Variants in DLGAP1 observed in about 807,000 individuals in gnomAD.
DLGAP1 encodes the protein DLG associated protein 1, also known as disks large-associated protein 1.
A neutral mutation model predicts 90.8 loss-of-function variants in DLGAP1; 11 were observed. That is an observed-to-expected ratio of 0.12 (90% CI 0.08 to 0.20). DLGAP1 has a LOEUF of 0.20. DLGAP1 is among the 10% of genes least tolerant of loss of function. DLGAP1 has a pLI of 1.00. For missense variants in DLGAP1, 1,050 were observed against 1,333.8 expected (o/e 0.79, Z 3.31); for synonymous variants, 558 against 540.7 (o/e 1.03, Z -0.44).
At chr18:3,619,658 T>C (rs1373165980) in intron 7 of DLGAP1, among the ~76,000 whole-genome samples, 1 of 151,820 alleles carries the variant, frequency 6.6e-6, no homozygotes, top group East Asian at 1.9e-4. Flanking sequence ...TGCTTTATTA[T>C]CAGGTAAGTC....
chr18:4,046,903 G>T (rs900641681), intron 2 of DLGAP1, among the ~76,000 whole-genome samples: 8 of 152,184 alleles, frequency 5.3e-5, no homozygotes, highest in African/African-American at 1.9e-4. Flanking sequence ...CAGGATAAAA[G>T]GTGCAAATCT....
At chr18:4,181,414 A>AT (rs746600030) in intron 1 of DLGAP1, among the ~76,000 whole-genome samples, 4 of 152,158 alleles carry the variant, frequency 2.6e-5, no homozygotes, top group African/African-American at 7.2e-5. Flanking sequence ...CTACAGGGAC[A>AT]TTTTTTAATT....
intron 11 of DLGAP1, among the ~76,000 whole-genome samples, chr18:3,508,278 C>G (rs1432757717): frequency 6.6e-6 from 1 of 151,934 alleles, no homozygotes; most frequent in Non-Finnish European, 1.5e-5. Context: ...ACAATAAAAT[C>G]AGAAAAGCTA....
intron 2 of DLGAP1, among the ~76,000 whole-genome samples, chr18:4,142,586 C>T (rs2076513080): frequency 6.6e-6 from 1 of 152,086 alleles, no homozygotes; most frequent in Admixed American, 6.6e-5. Context: ...AAGTTTCTAG[C>T]TTCTAAATTA....
At chr18:3,718,680 C>A (rs1258843379) in intron 7 of DLGAP1, among the ~76,000 whole-genome samples, 1 of 151,966 alleles carries the variant, frequency 6.6e-6, no homozygotes, top group Non-Finnish European at 1.5e-5. Flanking sequence ...AATCCCAGCA[C>A]TTTGGGGGGT....
At chr18:4,213,117 T>C (rs1161904803) in intron 1 of DLGAP1, among the ~76,000 whole-genome samples, 1 of 152,184 alleles carries the variant, frequency 6.6e-6, no homozygotes, top group Non-Finnish European at 1.5e-5. Context: ...ACTTTGAAGG[T>C]ATAAAGATTA....
At position 3,930,189 on chromosome 18, in the gene DLGAP1, C is replaced by G. The variant is rs76594931; in HGVS notation, c.-72-50049G>C. ...TGTGCTGTGTGGGCCATAGGAAGTT[C>G]TTTTGTGAACTGTCTGCTGTGAACA... On this transcript the variant is annotated intron_variant, in intron 3 of 12. Transcript: ENST00000315677. Among the ~76,000 whole-genome samples the G allele has an allele frequency of 5.0e-3, 755 of 152,236 alleles. 3 individuals are homozygous for G. The highest frequency in any genetic ancestry group is 7.9e-3 in the Non-Finnish European group (539 of 68,016).
intron 1 of DLGAP1, among the ~76,000 whole-genome samples, chr18:4,403,522 A>G (rs1297568515): frequency 6.6e-6 from 1 of 152,198 alleles, no homozygotes; most frequent in African/African-American, 2.4e-5. Flanking sequence ...ATATTTCGCC[A>G]TGCATGCTTT....
At chr18:4,002,459 G>T (rs1318340310) in intron 3 of DLGAP1, among the ~76,000 whole-genome samples, 1 of 46,376 alleles carries the variant, frequency 2.2e-5, no homozygotes, top group African/African-American at 6.3e-5. Flanking sequence ...CCTACTCAAC[G>T]TGAGGATATG....
chr18:3,885,147 C>T (rs905474565), intron 3 of DLGAP1, among the ~76,000 whole-genome samples: 4 of 152,140 alleles, frequency 2.6e-5, no homozygotes, highest in African/African-American at 7.2e-5. Flanking sequence ...CCTGCTCTTC[C>T]TTCTCTCATT....
intron 9 of DLGAP1, among the ~76,000 whole-genome samples, chr18:3,562,435 T>C (rs1250542582): frequency 6.6e-6 from 1 of 151,626 alleles, no homozygotes; most frequent in African/African-American, 2.4e-5. Flanking sequence ...GATTGAATCA[T>C]GGGGGTGGGT....
At chr18:4,122,854 G>T (rs76381527) in intron 2 of DLGAP1, among the ~76,000 whole-genome samples, 2,280 of 152,226 alleles carry the variant, frequency 0.015, 62 homozygotes, top group African/African-American at 0.052. Flanking sequence ...AAAGAGCAAA[G>T]GTTCTCCCTT....
chr18:3,904,904 T>C lies in DLGAP1; in HGVS notation c.-72-24764A>G, dbSNP rs565893932. Among the ~76,000 whole-genome samples, 20 of 152,202 alleles carry C rather than the reference T, an allele frequency of 1.3e-4. No individual in the cohort carries two copies. The South Asian group carries it at 3.7e-3, about 28-fold the overall frequency. ...AAGCATGTACCCCACTCATTTGGCA[T>C]AGTAGATACATTTTCTGGACTACTG... On this transcript the variant is annotated intron_variant, in intron 3 of 12. Coordinates refer to ENST00000315677, the MANE Select transcript of DLGAP1 (RefSeq NM_004746.4).
At chr18:4,091,050 C>T (rs964682546) in intron 2 of DLGAP1, among the ~76,000 whole-genome samples, 2 of 152,036 alleles carry the variant, frequency 1.3e-5, no homozygotes, top group Non-Finnish European at 2.9e-5. Context: ...AATGAGAACA[C>T]ATGGACACAG....
chr18:4,416,569 T>C (rs1598387530), intron 1 of DLGAP1, among the ~76,000 whole-genome samples: 1 of 152,226 alleles, frequency 6.6e-6, no homozygotes, highest in African/African-American at 2.4e-5. Context: ...ATGAACTACC[T>C]GTGTATATAC....
At chr18:3,850,580 C>T (rs771242085) in intron 4 of DLGAP1, among the ~76,000 whole-genome samples, 9 of 152,112 alleles carry the variant, frequency 5.9e-5, no homozygotes, top group Non-Finnish European at 1.3e-4. Context: ...CAAAATCAAC[C>T]TGGGCATTCT....
intron 1 of DLGAP1, among the ~76,000 whole-genome samples, chr18:4,177,318 A>G (rs1264386801): frequency 6.6e-6 from 1 of 151,346 alleles, no homozygotes; most frequent in Non-Finnish European, 1.5e-5. Context: ...CATGATTAAA[A>G]CTTGACTAAT....
chr18:3,761,024 G>A lies in DLGAP1; in HGVS notation c.1173-18512C>T, dbSNP rs115122533. Among the ~76,000 whole-genome samples, 637 of 152,252 alleles carry A rather than the reference G, an allele frequency of 4.2e-3. 9 individuals carry two copies. The highest frequency in any genetic ancestry group is 0.015 in the African/African-American group (611 of 41,562). On this transcript the variant is annotated intron_variant, in intron 5 of 12. Transcript: ENST00000315677. ...TTATGGAATTGTGTGAATTTACTGC[G>A]TAATAAACATCTGTCTGTCTCTCTG...
intron 7 of DLGAP1, among the ~76,000 whole-genome samples, chr18:3,646,750 T>G (rs1017673829): frequency 4.6e-5 from 7 of 151,336 alleles, no homozygotes; most frequent in Non-Finnish European, 8.8e-5. Context: ...CGGTGAAACC[T>G]CGTCTCTACT....
Sources: gnomAD v4.1 joint callset for allele counts (sites outside exome capture counted in the v4.1 genomes callset) on GRCh38, gnomAD v4.1.1 for gene constraint, MANE v1.5 for transcripts, NCBI Gene and HGNC (gene_info 2026-07-23, HGNC 2026-07-21) for gene names.